BBX: variants seen among roughly 807,000 people sequenced by gnomAD.
BBX encodes the protein HMG box transcription factor BBX.
BBX carries 30 observed loss-of-function variants against 100.2 expected under a neutral mutation model. That is an observed-to-expected ratio of 0.30 (90% CI 0.22 to 0.41). BBX has a LOEUF of 0.41. Ranked by LOEUF, BBX falls within the 10% of genes least tolerant of loss-of-function variation. The pLI, the probability that BBX is intolerant of heterozygous loss-of-function variation, is 1.00. For missense variants in BBX, 1,023 were observed against 1,129.8 expected, an observed-to-expected ratio of 0.91 and a Z score of 1.35; for synonymous variants, 376 against 388.1, an observed-to-expected ratio of 0.97 and a Z score of 0.37.
At chr3:107,563,012 T>C (rs1179675393) in intron 2 of BBX, among the ~76,000 whole-genome samples, 1 of 152,212 alleles carries the variant, frequency 6.6e-6, no homozygotes, top group Non-Finnish European at 1.5e-5. Context: ...AACTGACATC[T>C]CCTTTTGACC....
chr3:107,705,620 C>G (rs545616233), intron 3 of BBX, among the ~76,000 whole-genome samples: 8 of 152,274 alleles, frequency 5.3e-5, no homozygotes, highest in African/African-American at 1.9e-4. Context: ...TCTATGCTCC[C>G]TTTTGAATGA....
intron 3 of BBX, among the ~76,000 whole-genome samples, chr3:107,666,362 G>T (rs1245571092): frequency 6.6e-6 from 1 of 152,144 alleles, no homozygotes; most frequent in Non-Finnish European, 1.5e-5. Context: ...CGCTCCTCAT[G>T]ATGTTAATAG....
intron 5 of BBX, among the ~76,000 whole-genome samples, chr3:107,727,495 C>CT (rs547991620): frequency 3.3e-3 from 509 of 152,212 alleles, no homozygotes; most frequent in Non-Finnish European, 5.3e-3. Flanking sequence ...AAAAATGGGA[C>CT]TGTATTCTAC....
rs149372012 is a variant in BBX at position 107,760,149 on chromosome 3, A to T, written c.906+4471A>T. On this transcript the variant is annotated intron_variant, in intron 10 of 17. Coordinates refer to ENST00000325805, the MANE Select transcript of BBX (RefSeq NM_001142568.3). The stretch of plus-strand genomic sequence containing the variant: ...ATGGACAATAAGTGTTAGAGCCTAC[A>T]CAGGAACCCAGGCAGACTGTCTCCA... 3.9e-3 allele frequency among the ~76,000 whole-genome samples: 588 copies of T among 152,378 alleles called. 5 individuals carry two copies. Among genetic ancestry groups the T allele is most frequent in the Non-Finnish European group, 6.5e-3 (440 of 68,030 alleles).
chr3:107,569,185 A>G lies in BBX; in HGVS notation c.-84+42787A>G, dbSNP rs72939502. 1.6e-3 allele frequency among the ~76,000 whole-genome samples: 241 copies of G among 152,352 alleles called. 1 individual carries two copies. Among genetic ancestry groups the G allele is most frequent in the African/African-American group, 5.4e-3 (224 of 41,586 alleles). On this transcript the variant is annotated intron_variant, in intron 2 of 17. Transcript: ENST00000325805. ...TGAGCAATTCCTTCATAACAATCTT[A>G]AGAATATATCCTTGATAGTTTCTTG...
intron 9 of BBX, among the ~76,000 whole-genome samples, chr3:107,754,241 C>T (rs911090523): frequency 7.2e-5 from 11 of 152,062 alleles, no homozygotes; most frequent in Admixed American, 5.2e-4. Context: ...CACTGAGAGC[C>T]GGTGGTATTA....
chr3:107,725,065 G>C lies in BBX; in HGVS notation c.406-3700G>C, dbSNP rs534844589. ...GCATGGAATGTTCTTCCATTTGTTT[G>C]TATCCTCTTTTATTTCACTGAGCAG... On this transcript the variant is annotated intron_variant, in intron 5 of 17. Transcript: ENST00000325805. Among the ~76,000 whole-genome samples the C allele has an allele frequency of 2.0e-5, 3 of 152,236 alleles. No individual in the cohort carries two copies. The South Asian group carries it at 6.2e-4, about 32-fold the overall frequency.
intron 1 of BBX, chr3:107,524,439 G>A (rs1380079548): frequency 1.3e-5 from 2 of 151,790 alleles, no homozygotes; most frequent in Non-Finnish European, 2.9e-5. Context: ...TTTATTTTTT[G>A]GTATTGTATG....
At chr3:107,771,005 C>A (rs1244038615) in intron 10 of BBX, among the ~76,000 whole-genome samples, 1 of 152,138 alleles carries the variant, frequency 6.6e-6, no homozygotes, top group Non-Finnish European at 1.5e-5. Context: ...AAAAACAGAT[C>A]AGTTTCCTAC....
intron 3 of BBX, among the ~76,000 whole-genome samples, chr3:107,693,675 G>A (rs62262025): frequency 0.12 from 18,097 of 151,764 alleles, 1,474 homozygotes; most frequent in Middle Eastern, 0.19. Flanking sequence ...TTGACTTGGC[G>A]ATGCGGGCTC....
At chr3:107,574,336 G>A (rs150433681) in intron 2 of BBX, among the ~76,000 whole-genome samples, 1 of 152,298 alleles carries the variant, frequency 6.6e-6, no homozygotes, top group African/African-American at 2.4e-5. Context: ...CTTACTGCAA[G>A]ATTAACATTG....
chr3:107,627,942 G>C (rs1384687116), intron 2 of BBX, among the ~76,000 whole-genome samples: 2 of 151,830 alleles, frequency 1.3e-5, no homozygotes, highest in Admixed American at 6.6e-5. Flanking sequence ...CTATAGCAAT[G>C]AATAATAAGG....
chr3:107,535,412 GT>G (rs1167724833), intron 2 of BBX, among the ~76,000 whole-genome samples: 2 of 151,838 alleles, frequency 1.3e-5, no homozygotes, highest in Non-Finnish European at 2.9e-5. Context: ...TATAAACTTA[GT>G]ATATAATTGA....
At chr3:107,601,039 ATTTTCATTATTATC>A (rs1409508521) in intron 2 of BBX, among the ~76,000 whole-genome samples, 1 of 152,044 alleles carries the variant, frequency 6.6e-6, no homozygotes, top group East Asian at 1.9e-4. Context: ...CATTTCAAAT[ATTTTCATTATTATC>A]ATATCTGCTA....
rs2066655844 is a variant in BBX at position 107,769,186 on chromosome 3, A to AT, written c.907-3441dup. ...CTATCATTCATAGATAGATAGATAGATAGATAGATAGATAGATAGATAGAT... is the reference window on the plus strand; with the variant it reads ...CTATCATTCATAGATAGATAGATAGATTAGATAGATAGATAGATAGATAGAT... On this transcript the variant is annotated intron_variant, in intron 10 of 17. Transcript: ENST00000325805. Among the ~76,000 whole-genome samples the AT allele has an allele frequency of 3.4e-5, 3 of 87,710 alleles. No homozygotes were observed. In the South Asian group the frequency reaches 1.2e-3, roughly 36 times the overall value. 57.5% of individuals were successfully genotyped at this position (87,710 alleles called of 152,430 possible).
intron 5 of BBX, among the ~76,000 whole-genome samples, chr3:107,728,030 G>A (rs1179122344): frequency 1.3e-5 from 2 of 152,146 alleles, no homozygotes; most frequent in African/African-American, 4.8e-5. Flanking sequence ...GGTAACAGGA[G>A]CAAGCCACAG....
chr3:107,553,179 A>G (rs2049829991), intron 2 of BBX, among the ~76,000 whole-genome samples: 1 of 152,226 alleles, frequency 6.6e-6, no homozygotes, highest in East Asian at 1.9e-4. Context: ...TACTGTTTTC[A>G]TAAAATCCTC....
intron 2 of BBX, among the ~76,000 whole-genome samples, chr3:107,551,798 T>TA (rs2049705056): frequency 6.6e-6 from 1 of 152,224 alleles, no homozygotes. Context: ...TGTGCCCTGT[T>TA]AGGGCCACAT....
intron 3 of BBX, among the ~76,000 whole-genome samples, chr3:107,675,796 TCCTGTG>T (rs2059251452): frequency 6.6e-6 from 1 of 152,184 alleles, no homozygotes; most frequent in Non-Finnish European, 1.5e-5. Context: ...AACCTTTAAC[TCCTGTG>T]GGTCTTTTTA....
Sources: allele counts gnomAD v4.1 joint callset (sites outside exome capture counted in the v4.1 genomes callset), GRCh38; gene constraint gnomAD v4.1.1; transcripts MANE v1.5; gene names NCBI Gene and HGNC (gene_info 2026-07-23, HGNC 2026-07-21).